Variants in TFDP2 observed in about 807,000 individuals in gnomAD.
TFDP2 encodes transcription factor Dp-2 (E2F dimerization partner 2).
In TFDP2, 17 loss-of-function variants were observed where a neutral mutation model predicts 59.3. The ratio of observed to expected loss-of-function variants is 0.29; its 90% CI spans 0.20 to 0.43. TFDP2 has a LOEUF of 0.43. TFDP2 is among the 20% of genes least tolerant of loss of function. The pLI, the probability that TFDP2 is intolerant of heterozygous loss-of-function variation, is 1.00. For missense variants in TFDP2, 391 were observed against 528.8 expected (o/e 0.74, Z 2.56); for synonymous variants, 180 against 194.7 (o/e 0.92, Z 0.63).
At chr3:142,042,396 A>G (rs1947022250) in intron 3 of TFDP2, among the ~76,000 whole-genome samples, 1 of 151,656 alleles carries the variant, frequency 6.6e-6, no homozygotes, top group Non-Finnish European at 1.5e-5. Flanking sequence ...GGTTCAAGTG[A>G]TTCTCCTGCC....
intron 3 of TFDP2, chr3:142,043,851 G>GT (rs1947162902): frequency 7.2e-7 from 1 of 1,379,524 alleles, no homozygotes; most frequent in East Asian, 2.3e-5. Flanking sequence ...GGTACAGGCT[G>GT]TGATACATAT....
At chr3:142,009,613 G>A (rs1944485129) in intron 3 of TFDP2, among the ~76,000 whole-genome samples, 1 of 151,642 alleles carries the variant, frequency 6.6e-6, no homozygotes, top group African/African-American at 2.4e-5. Context: ...TTGGGAGGCT[G>A]AGGCATGAGA....
rs1935305183 is a variant in TFDP2, at chr3:141,946,869, A to G, written c.*5644T>C. 6.6e-6 allele frequency: 1 copy of G among 152,156 alleles called. No homozygotes were observed. The highest frequency in any genetic ancestry group is 6.6e-5 in the Admixed American group (1 of 15,258). The allele number at this position is 152,156 out of a possible 1,614,324, so 9.4% of individuals were successfully genotyped here. Reference sequence around the variant, plus strand: ...ATGGTGAAACCCTGTCTCTACTAAAAATACAAAAATTAGCCAGGCGTGGTG... The same window carrying G: ...ATGGTGAAACCCTGTCTCTACTAAAGATACAAAAATTAGCCAGGCGTGGTG... On this transcript the variant is annotated 3_prime_UTR_variant, in exon 13 of 13. Coordinates refer to ENST00000489671, the MANE Select transcript of TFDP2 (RefSeq NM_001178139.2).
At chr3:142,100,377 CT>C (rs143225115) in intron 2 of TFDP2, among the ~76,000 whole-genome samples, 1 of 151,398 alleles carries the variant, frequency 6.6e-6, no homozygotes, top group Admixed American at 6.6e-5. Context: ...ACCTCCTTCC[CT>C]TTTTTTTTCT....
chr3:141,978,285 CAGT>C, intron 7 of TFDP2, among the ~76,000 whole-genome samples: 1 of 130,006 alleles, frequency 7.7e-6, no homozygotes, highest in Non-Finnish European at 1.9e-5. Flanking sequence ...GCAGAGGTTG[CAGT>C]GAGCCGAGAT....
At chr3:141,962,862 C>T (rs374848069) in intron 10 of TFDP2, among the ~76,000 whole-genome samples, 4 of 152,276 alleles carry the variant, frequency 2.6e-5, no homozygotes, top group East Asian at 1.9e-4. Context: ...GTGGTACTGA[C>T]GCAATTATTA....
Position 142,120,040 on chromosome 3 carries a change from A to C in TFDP2, c.-92-18199T>G, listed in dbSNP as rs1560165645. On this transcript the variant is annotated intron_variant, in intron 1 of 12. Transcript: ENST00000489671. ...ACTCCAGCCTGGGCGACAGAGCAAG[A>C]CTCCATCGAAAAGAAAAAAAGAAAA... 2.6e-5 allele frequency among the ~76,000 whole-genome samples: 4 copies of C among 151,400 alleles called. No individual in the cohort carries two copies. In the East Asian group the frequency reaches 7.8e-4, roughly 30 times the overall value.
At chr3:142,078,144 C>T (rs1034827084) in intron 3 of TFDP2, among the ~76,000 whole-genome samples, 5 of 152,234 alleles carry the variant, frequency 3.3e-5, no homozygotes, top group African/African-American at 1.2e-4. Context: ...GGTCTGGGTG[C>T]CAGCTCAACC....
At chr3:141,991,031 C>A (rs1942706969) in intron 6 of TFDP2, among the ~76,000 whole-genome samples, 1 of 152,128 alleles carries the variant, frequency 6.6e-6, no homozygotes, top group South Asian at 2.1e-4. Context: ...GCACTCCAGC[C>A]TGGGCAACAG....
At chr3:142,094,099 C>G (rs2061086394) in intron 2 of TFDP2, 1 of 195,860 alleles carries the variant, frequency 5.1e-6, no homozygotes, top group African/African-American at 2.3e-5. Flanking sequence ...AACAGAATAT[C>G]AGAAATATAT....
rs1280795258 is a variant in TFDP2 at position 141,945,014 on chromosome 3, G to T, written c.*7499C>A. The T allele has an allele frequency of 4.6e-5, 7 of 152,088 alleles. No homozygotes were observed. The highest frequency in any genetic ancestry group is 1.0e-4 in the Non-Finnish European group (7 of 68,008). The allele number at this position is 152,088 out of a possible 1,614,324, so 9.4% of individuals were successfully genotyped here. ...TGTGGCACCACGATGTATCCTTCATGCAGAAAAAAGGAGAACTATATTTTC... is the reference window on the plus strand; with the variant it reads ...TGTGGCACCACGATGTATCCTTCATTCAGAAAAAAGGAGAACTATATTTTC... On this transcript the variant is annotated 3_prime_UTR_variant, in exon 13 of 13. Coordinates refer to ENST00000489671, the MANE Select transcript of TFDP2 (RefSeq NM_001178139.2).
At chr3:142,021,817 TA>T (rs1289417575) in intron 3 of TFDP2, among the ~76,000 whole-genome samples, 1 of 152,216 alleles carries the variant, frequency 6.6e-6, no homozygotes, top group African/African-American at 2.4e-5. Flanking sequence ...TCATCAAACC[TA>T]AAAGATCTTA....
intron 4 of TFDP2, among the ~76,000 whole-genome samples, chr3:141,999,836 T>C (rs985996150): frequency 2.6e-5 from 4 of 151,726 alleles, no homozygotes; most frequent in Non-Finnish European, 5.9e-5. Flanking sequence ...CCCGGGTTCA[T>C]GCCATTCTCC....
At chr3:142,116,365 T>C (rs2061853668) in intron 1 of TFDP2, among the ~76,000 whole-genome samples, 1 of 152,244 alleles carries the variant, frequency 6.6e-6, no homozygotes, top group South Asian at 2.1e-4. Context: ...GTCCAGCCAC[T>C]GGTATTCTCT....
chr3:142,075,734 GAAAAAAAAAAAAAA>G (rs530375441), intron 3 of TFDP2, among the ~76,000 whole-genome samples: 1 of 45,520 alleles, frequency 2.2e-5, no homozygotes, highest in Non-Finnish European at 4.0e-5. Context: ...TGTCTCTACA[GAAAAAAAAAAAAAA>G]AAAAAAAAAA....
intron 3 of TFDP2, among the ~76,000 whole-genome samples, chr3:142,021,500 T>A (rs1945601342): frequency 6.6e-6 from 1 of 152,202 alleles, no homozygotes; most frequent in Non-Finnish European, 1.5e-5. Flanking sequence ...ATGGTCATAT[T>A]TCTAAATGAA....
intron 1 of TFDP2, among the ~76,000 whole-genome samples, chr3:142,111,714 G>A (rs2061671425): frequency 6.6e-6 from 1 of 152,076 alleles, no homozygotes; most frequent in Admixed American, 6.6e-5. Context: ...CAAGGCAACG[G>A]GCTGCTAAGA....
At chr3:142,113,425 A>C (rs2108677292) in intron 1 of TFDP2, among the ~76,000 whole-genome samples, 1 of 151,494 alleles carries the variant, frequency 6.6e-6, no homozygotes, top group East Asian at 1.9e-4. Context: ...CACCCGGCTA[A>C]TTTTTTTTGT....
chr3:141,993,750 T>G (rs1021876200), intron 5 of TFDP2, among the ~76,000 whole-genome samples, 165 bp from the exon 6 acceptor site: 5 of 152,258 alleles, frequency 3.3e-5, no homozygotes, highest in African/African-American at 1.2e-4. Context: ...AATTTTATCA[T>G]GTGAACAAGG....
Sources: allele counts gnomAD v4.1 joint callset (sites outside exome capture counted in the v4.1 genomes callset), GRCh38; gene constraint gnomAD v4.1.1; transcripts MANE v1.5; gene names NCBI Gene and HGNC (gene_info 2026-07-23, HGNC 2026-07-21).